The following ADCY2 variants were observed in gnomAD, a reference collection of about 807,000 sequenced individuals.
ADCY2 encodes adenylate cyclase 2, also known as adenylate cyclase type 2.
In ADCY2, 31 loss-of-function variants were observed where a neutral mutation model predicts 125.2. The ratio of observed to expected loss-of-function variants is 0.25; its 90% CI spans 0.19 to 0.33. The LOEUF (loss-of-function observed/expected upper bound fraction) is 0.33. Ranked by LOEUF, ADCY2 falls within the 10% of genes least tolerant of loss-of-function variation. The pLI is 1.00. For missense variants in ADCY2, 904 were observed against 1,418.2 expected (o/e 0.64, Z 5.82); for synonymous variants, 512 against 548.4 (o/e 0.93, Z 0.93).
At chr5:7,546,516 C>T (rs2126567900) in intron 3 of ADCY2, among the ~76,000 whole-genome samples, 1 of 152,284 alleles carries the variant, frequency 6.6e-6, no homozygotes, top group African/African-American at 2.4e-5. Context: ...CGGGGGCAGG[C>T]ATGTAGATGC....
intron 2 of ADCY2, among the ~76,000 whole-genome samples, chr5:7,464,506 T>C (rs1318377742): frequency 6.6e-6 from 1 of 152,072 alleles, no homozygotes; most frequent in Non-Finnish European, 1.5e-5. Context: ...ACCCACAAAA[T>C]TGTGAGATAA....
In ADCY2 at chr5:7,396,515, C is replaced by G. The variant is rs1430103636; in HGVS notation, c.210+9C>G. On this transcript the variant is annotated intron_variant, in intron 1 of 24. Coordinates refer to ENST00000338316, the MANE Select transcript of ADCY2 (RefSeq NM_020546.3). The surrounding 1 kb of genome is among the most constrained non-coding windows in gnomAD (Gnocchi z 5.7). ...TCTTCGCGCTCGGGCTGGTGAGTGG[C>G]CTCCCCGCGGGTCCAGCGCCGCGCC... 2.6e-6 allele frequency: 4 copies of G among 1,555,700 alleles called. No homozygotes were observed. Among genetic ancestry groups the G allele is most frequent in the Non-Finnish European group, 3.5e-6 (4 of 1,152,282 alleles).
intron 20 of ADCY2, chr5:7,798,056 T>C (rs1180498617): frequency 6.6e-6 from 1 of 152,308 alleles, no homozygotes; most frequent in Non-Finnish European, 1.5e-5. Context: ...CAAAGGGTGC[T>C]CAGTGTTGCC....
At chr5:7,463,688 T>C (rs1742005661) in intron 2 of ADCY2, among the ~76,000 whole-genome samples, 1 of 151,052 alleles carries the variant, frequency 6.6e-6, no homozygotes, top group African/African-American at 2.4e-5. Context: ...AATGTCTCTA[T>C]AATAACATAG....
chr5:7,619,072 G>T (rs1462283336), intron 3 of ADCY2, among the ~76,000 whole-genome samples: 1 of 152,102 alleles, frequency 6.6e-6, no homozygotes, highest in East Asian at 1.9e-4. Flanking sequence ...AACATCTTTG[G>T]AATAATGAAC....
intron 15 of ADCY2, among the ~76,000 whole-genome samples, chr5:7,749,256 T>A (rs1742728797): frequency 6.6e-6 from 1 of 152,242 alleles, no homozygotes; most frequent in Admixed American, 6.5e-5. Context: ...TGTAAATTCA[T>A]CTTAAAAGAC....
At chr5:7,526,186 C>T (rs1291715172) in intron 3 of ADCY2, among the ~76,000 whole-genome samples, 1 of 152,208 alleles carries the variant, frequency 6.6e-6, no homozygotes, top group Non-Finnish European at 1.5e-5. Context: ...TCACACACAG[C>T]TTTGTCATCT....
At chr5:7,436,960 AG>A (rs1388018868) in intron 2 of ADCY2, among the ~76,000 whole-genome samples, 1 of 152,116 alleles carries the variant, frequency 6.6e-6, no homozygotes, top group African/African-American at 2.4e-5. Flanking sequence ...CACCTTCACA[AG>A]GGGCTGTTTC....
chr5:7,492,813 C>CTATA (rs1743211253), intron 2 of ADCY2, among the ~76,000 whole-genome samples: 6 of 151,982 alleles, frequency 3.9e-5, no homozygotes, highest in Admixed American at 2.0e-4. Flanking sequence ...ATAGAAGACA[C>CTATA]TATAGTTCTG....
chr5:7,804,517 C>T (rs1447361294), intron 21 of ADCY2, 68 bp from the exon 22 acceptor site: 4 of 1,192,068 alleles, frequency 3.4e-6, no homozygotes, highest in Admixed American at 3.4e-5. Flanking sequence ...TTGAGAATGT[C>T]TCTATAAAAT....
At chr5:7,756,555 A>G (rs900201508) in intron 15 of ADCY2, among the ~76,000 whole-genome samples, 1 of 152,228 alleles carries the variant, frequency 6.6e-6, no homozygotes, top group African/African-American at 2.4e-5. Context: ...TGGTGACATT[A>G]TGCTGAAAGA....
At chr5:7,809,210 C>T (rs1169564867) in intron 22 of ADCY2, among the ~76,000 whole-genome samples, 1 of 152,110 alleles carries the variant, frequency 6.6e-6, no homozygotes, top group African/African-American at 2.4e-5. Flanking sequence ...AGTTTTAGGA[C>T]ATTGAAATAT....
chr5:7,571,936 A>G (rs1391623166), intron 3 of ADCY2, among the ~76,000 whole-genome samples: 1 of 152,182 alleles, frequency 6.6e-6, no homozygotes, highest in Non-Finnish European at 1.5e-5. Flanking sequence ...AATGGCCTCC[A>G]GCTTCATCCA....
intron 24 of ADCY2, among the ~76,000 whole-genome samples, chr5:7,822,334 T>A (rs10475395): frequency 6.6e-6 from 1 of 151,994 alleles, no homozygotes; most frequent in Non-Finnish European, 1.5e-5. Flanking sequence ...CCAAATCCAC[T>A]TAATATATTT....
chr5:7,682,490 C>T (rs573745601), intron 4 of ADCY2, among the ~76,000 whole-genome samples: 1 of 152,248 alleles, frequency 6.6e-6, no homozygotes, highest in African/African-American at 2.4e-5. Flanking sequence ...TAAATTCGAG[C>T]GTCTAAGCTT....
At position 7,529,923 on chromosome 5, in the gene ADCY2, G is replaced by A. The variant is rs73046377; in HGVS notation, c.570+9024G>A. Among the ~76,000 whole-genome samples the A allele has an allele frequency of 1.2e-3, 180 of 152,288 alleles. 3 individuals are homozygous for A. Among genetic ancestry groups the A allele is most frequent in the Middle Eastern group, 6.8e-3 (2 of 294 alleles). On this transcript the variant is annotated intron_variant, in intron 3 of 24. Coordinates refer to ENST00000338316, the MANE Select transcript of ADCY2 (RefSeq NM_020546.3). ...GCTAGTTGTTGGACTTGCATAGCAG[G>A]TTAGCTTCTCCCTGTGCCCAGCACC...
In ADCY2 at chr5:7,592,639, G is replaced by A. The variant is rs368667192; in HGVS notation, c.571-33528G>A. Among the ~76,000 whole-genome samples, 20 of 152,242 alleles carry A rather than the reference G, an allele frequency of 1.3e-4. No individual in the cohort carries two copies. The South Asian group carries it at 1.5e-3, about 11-fold the overall frequency. ...AAATAGTAAGGAAGACCTTCCTTCC[G>A]TGTAATGATAACATACTGTGAAATC... On this transcript the variant is annotated intron_variant, in intron 3 of 24. Transcript: ENST00000338316.
Position 7,773,019 on chromosome 5 carries a change from G to T in ADCY2, c.2302G>T (p.Val768Leu), listed in dbSNP as rs748315088. Residue 768 changes from valine (V) to leucine (L), a missense_variant, in exon 18 of 25, where the codon GTG becomes TTG. This residue lies in a region of ADCY2 where 221 missense variants were observed against 246.2 expected (regional missense o/e 0.90). Transcript: ENST00000338316. ...TGAGCTGAAGATGTTGATCATGATGGTGGCCTTGGTGGGCTACAACACCAT... is the reference window on the plus strand; with the variant it reads ...TGAGCTGAAGATGTTGATCATGATGTTGGCCTTGGTGGGCTACAACACCAT... ...NYELKMLIMM[V>L]ALVGYNTILL... is the part of the protein sequence containing the mutation. 1 of 1,614,126 alleles carries T rather than the reference G, an allele frequency of 6.2e-7. No individual in the cohort carries two copies. The highest frequency in any genetic ancestry group is 1.1e-5 in the South Asian group (1 of 91,078).
intron 4 of ADCY2, among the ~76,000 whole-genome samples, chr5:7,681,813 G>T (rs1431232138): frequency 6.6e-6 from 1 of 152,190 alleles, no homozygotes; most frequent in Non-Finnish European, 1.5e-5. Flanking sequence ...TGTCCCCACT[G>T]AAATAAAAGA....
Sources: gnomAD v4.1 joint callset for allele counts (sites outside exome capture counted in the v4.1 genomes callset) on GRCh38, gnomAD v4.1.1 for gene constraint, gnomAD v4.1.1 regional missense constraint, Gnocchi (gnomAD v3.1) non-coding constraint, MANE v1.5 for transcripts, NCBI Gene and HGNC (gene_info 2026-07-23, HGNC 2026-07-21) for gene names.